Variants in FCHSD2 observed in about 807,000 individuals in gnomAD.
FCHSD2 encodes the protein FCH and double SH3 domains 2, also known as F-BAR and double SH3 domains protein 2.
A neutral mutation model predicts 108.1 loss-of-function variants in FCHSD2; 38 were observed. The ratio of observed to expected loss-of-function variants is 0.35; its 90% confidence interval spans 0.27 to 0.46. The LOEUF is 0.46. Among genes scored for constraint, FCHSD2 ranks in the 20% least tolerant of loss-of-function variants. The probability of loss-of-function intolerance (pLI) is 1.00; values close to 1 mark genes in which losing one functional copy is unlikely to be tolerated. For synonymous variants in FCHSD2, 279 were observed against 314.7 expected, an observed-to-expected ratio of 0.89 and a Z score of 1.20; for missense variants, 751 against 897.8, an observed-to-expected ratio of 0.84 and a Z score of 2.09.
chr11:73,012,710 ATC>A lies in FCHSD2; in HGVS notation c.242+3097_242+3098del, dbSNP rs1273328524. Among the ~76,000 whole-genome samples, 4 of 152,126 alleles carry A rather than the reference ATC, an allele frequency of 2.6e-5. No homozygotes were observed. In the East Asian group the frequency reaches 7.7e-4, roughly 29 times the overall value. ...CCTGGGAGTCATTGTATAATTCTTCATCTCTCTCCCCCTGCTTCATTCATTCA... is the reference window on the plus strand; with the variant it reads ...CCTGGGAGTCATTGTATAATTCTTCATCTCTCCCCCTGCTTCATTCATTCA... On this transcript the variant is annotated intron_variant, in intron 4 of 19. Transcript: ENST00000409418.
intron 14 of FCHSD2, among the ~76,000 whole-genome samples, chr11:72,844,994 G>A (rs1861080105): frequency 1.3e-5 from 2 of 152,156 alleles, no homozygotes; most frequent in South Asian, 4.1e-4. Flanking sequence ...GAATATGCCA[G>A]CAAAAGGCAT....
chr11:73,136,923 G>A (rs1441673339), intron 2 of FCHSD2, among the ~76,000 whole-genome samples: 1 of 152,066 alleles, frequency 6.6e-6, no homozygotes, highest in Non-Finnish European at 1.5e-5. Flanking sequence ...AGCTACTAGG[G>A]AGGCTGAGGC....
In FCHSD2 at chr11:72,838,449, A is replaced by G; in HGVS notation, c.*342T>C. On this transcript the variant is annotated 3_prime_UTR_variant, in exon 20 of 20. Coordinates refer to ENST00000409418, the MANE Select transcript of FCHSD2 (RefSeq NM_014824.3). Reference sequence around the variant, plus strand: ...GTAATATACTGTACGAGTGCACATGATCAGTAATTTAGGGACTGTGCCCTG... The same window carrying G: ...GTAATATACTGTACGAGTGCACATGGTCAGTAATTTAGGGACTGTGCCCTG... 3.0e-6 allele frequency: 1 copy of G among 333,226 alleles called. No homozygotes were observed. The highest frequency in any genetic ancestry group is 5.8e-6 in the Non-Finnish European group (1 of 173,888). The allele number at this position is 333,226 out of a possible 1,614,324, so 20.6% of individuals were successfully genotyped here. A position where few individuals can be genotyped will look rare whatever the true frequency, so the allele number is the denominator to read the frequency against.
At chr11:73,058,658 T>A (rs1454663701) in intron 3 of FCHSD2, among the ~76,000 whole-genome samples, 1 of 151,090 alleles carries the variant, frequency 6.6e-6, no homozygotes, top group Non-Finnish European at 1.5e-5. Flanking sequence ...TTCAGTGGTG[T>A]GATCTCAGCT....
chr11:72,868,142 T>C, intron 12 of FCHSD2, 116 bp from the exon 13 acceptor site: 1 of 897,978 alleles, frequency 1.1e-6, no homozygotes, highest in South Asian at 1.7e-5. Context: ...ATGTGGTACA[T>C]ATACACCATG....
intron 4 of FCHSD2, among the ~76,000 whole-genome samples, chr11:73,009,275 C>T (rs1857808757): frequency 1.3e-5 from 2 of 152,110 alleles, no homozygotes; most frequent in South Asian, 4.1e-4. Flanking sequence ...GTGGGCTGAT[C>T]ACTTGAGATC....
intron 3 of FCHSD2, among the ~76,000 whole-genome samples, chr11:73,019,742 T>C (rs187911426): frequency 6.6e-6 from 1 of 152,330 alleles, no homozygotes; most frequent in Admixed American, 6.5e-5. Flanking sequence ...GTAAAGGTCC[T>C]AAATAATATT....
intron 8 of FCHSD2, among the ~76,000 whole-genome samples, chr11:72,951,023 C>T (rs1280211595): frequency 6.6e-6 from 1 of 152,162 alleles, no homozygotes; most frequent in East Asian, 1.9e-4. Context: ...CTGGCTAGAA[C>T]TCAAATAAAT....
chr11:72,903,976 A>C, intron 9 of FCHSD2, among the ~76,000 whole-genome samples: 1 of 152,246 alleles, frequency 6.6e-6, no homozygotes, highest in East Asian at 1.9e-4. Context: ...TAGATGAATA[A>C]GACAAACAAA....
chr11:72,910,820 T>TAAA (rs1855749454), intron 9 of FCHSD2, among the ~76,000 whole-genome samples: 1 of 101,510 alleles, frequency 9.9e-6, no homozygotes. Flanking sequence ...GAATGATCAA[T>TAAA]AAATACTAAA....
intron 3 of FCHSD2, among the ~76,000 whole-genome samples, chr11:73,081,882 T>C (rs1859695708): frequency 6.6e-6 from 1 of 152,202 alleles, no homozygotes; most frequent in East Asian, 1.9e-4. Context: ...CAGCTATCAT[T>C]ACTAGTATTT....
chr11:73,142,019 G>A lies in FCHSD2; in HGVS notation c.-142C>T, dbSNP rs1170526962. 8 of 770,002 alleles carry A rather than the reference G, an allele frequency of 1.0e-5. No individual in the cohort carries two copies. Among genetic ancestry groups the A allele is most frequent in the African/African-American group, 5.4e-5 (3 of 56,000 alleles). The allele number at this position is 770,002 out of a possible 1,614,324, so 47.7% of individuals were successfully genotyped here. A position where few individuals can be genotyped will look rare whatever the true frequency, so the allele number is the denominator to read the frequency against. On this transcript the variant is annotated 5_prime_UTR_variant, in exon 1 of 20. Transcript: ENST00000409418. ...TTAAGAAGCAAGACTTGCCCCGGAG[G>A]GAGCAGGCCAGCGGGCGGCAGGCGG...
intron 5 of FCHSD2, among the ~76,000 whole-genome samples, chr11:72,999,879 ACACACACAAACACACAC>A (rs747631217): frequency 8.7e-5 from 13 of 149,456 alleles, no homozygotes; most frequent in Non-Finnish European, 1.6e-4. Flanking sequence ...ACACACACAC[ACACACACAAACACACAC>A]ACACACACAC....
chr11:72,867,786 CTAT>C (rs1466014207), intron 13 of FCHSD2, 76 bp downstream of exon 13: 1 of 1,275,608 alleles, frequency 7.8e-7, no homozygotes, highest in Admixed American at 2.8e-5. Flanking sequence ...AAAATTTTGG[CTAT>C]TATTAAGTTT....
chr11:72,900,269 C>A lies in FCHSD2; in HGVS notation c.924+2274G>T. On this transcript the variant is annotated intron_variant, in intron 10 of 19. Coordinates refer to ENST00000409418, the MANE Select transcript of FCHSD2 (RefSeq NM_014824.3). ...ACACCCCATATACCTCAGCTATGGT[C>A]ATTCTCAGAGCACTGACAGGGGAGA... is the stretch of plus-strand genomic sequence containing the variant. 3.1e-6 allele frequency: 4 copies of A among 1,276,738 alleles called. No individual in the cohort carries two copies. The South Asian group carries it at 5.0e-5, about 16-fold the overall frequency. The allele number at this position is 1,276,738 out of a possible 1,614,324, so 79.1% of individuals were successfully genotyped here.
chr11:72,886,689 A>C (rs1310590438), intron 12 of FCHSD2, among the ~76,000 whole-genome samples: 5 of 152,168 alleles, frequency 3.3e-5, no homozygotes, highest in South Asian at 2.1e-4. Context: ...AACCACAACA[A>C]GTTTACTTAC....
At chr11:73,074,003 G>A (rs1859490671) in intron 3 of FCHSD2, among the ~76,000 whole-genome samples, 1 of 151,944 alleles carries the variant, frequency 6.6e-6, no homozygotes, top group African/African-American at 2.4e-5. Flanking sequence ...AAAATATAAA[G>A]GGCAATAATA....
At chr11:72,875,817 A>T (rs1854957040) in intron 12 of FCHSD2, among the ~76,000 whole-genome samples, 1 of 152,152 alleles carries the variant, frequency 6.6e-6, no homozygotes, top group Admixed American at 6.5e-5. Flanking sequence ...TTGCCAATTT[A>T]ATGGAAACAG....
chr11:72,921,636 T>C (rs917753245), intron 9 of FCHSD2, among the ~76,000 whole-genome samples, 192 bp downstream of exon 9: 2 of 152,248 alleles, frequency 1.3e-5, no homozygotes, highest in African/African-American at 4.8e-5. Context: ...TTTTTGCCCT[T>C]GGTGCCATCT....
Sources: gnomAD v4.1 joint callset for allele counts (sites outside exome capture counted in the v4.1 genomes callset) on GRCh38, gnomAD v4.1.1 for gene constraint, MANE v1.5 for transcripts, NCBI Gene and HGNC (gene_info 2026-07-23, HGNC 2026-07-21) for gene names.